Variants in CACNA1E observed in about 807,000 individuals in gnomAD.
The protein encoded by CACNA1E is calcium voltage-gated channel subunit alpha1 E.
A neutral mutation model predicts 259.2 loss-of-function variants in CACNA1E; 40 were observed. The observed-to-expected ratio is 0.15, with a 90% CI of 0.12 to 0.20. CACNA1E has a LOEUF of 0.20. Ranked by LOEUF, CACNA1E falls within the 10% of genes least tolerant of loss-of-function variation. CACNA1E has a pLI of 1.00. For missense variants in CACNA1E, 1,874 were observed against 3,040.1 expected (o/e 0.62, Z 9.02); for synonymous variants, 1,104 against 1,138.5 (o/e 0.97, Z 0.61).
intron 1 of CACNA1E, among the ~76,000 whole-genome samples, chr1:181,371,559 A>G (rs1410650093): frequency 6.6e-6 from 1 of 152,186 alleles, no homozygotes; most frequent in Non-Finnish European, 1.5e-5. Context: ...GGCATGAACC[A>G]CTGCATCTGG....
At chr1:181,538,073 G>T (rs1441594397) in intron 3 of CACNA1E, among the ~76,000 whole-genome samples, 1 of 152,172 alleles carries the variant, frequency 6.6e-6, no homozygotes, top group Admixed American at 6.5e-5. Context: ...CCCTGTTCTA[G>T]TGTTTTCTGT....
chr1:181,397,892 G>T (rs987539177), intron 1 of CACNA1E, among the ~76,000 whole-genome samples: 2 of 152,222 alleles, frequency 1.3e-5, no homozygotes, highest in Admixed American at 1.3e-4. Flanking sequence ...TGACCTGAGA[G>T]ATCCTGGACA....
intron 1 of CACNA1E, among the ~76,000 whole-genome samples, chr1:181,326,501 G>C (rs1357434679): frequency 6.6e-6 from 1 of 152,152 alleles, no homozygotes; most frequent in African/African-American, 2.4e-5. Flanking sequence ...AGTTTCTCCT[G>C]TGGTTAGCTC....
chr1:181,430,621 G>A (rs1321961674), intron 2 of CACNA1E, among the ~76,000 whole-genome samples: 1 of 152,244 alleles, frequency 6.6e-6, no homozygotes, highest in African/African-American at 2.4e-5. Context: ...AGGCTGCTAT[G>A]TTGGGCCTTA....
chr1:181,537,834 AG>A (rs1668291831), intron 3 of CACNA1E, among the ~76,000 whole-genome samples: 1 of 152,242 alleles, frequency 6.6e-6, no homozygotes, highest in Non-Finnish European at 1.5e-5. Flanking sequence ...GAAGAAACAG[AG>A]GTACAGTGAG....
chr1:181,501,082 G>C (rs115865013), intron 1 of CACNA1E, among the ~76,000 whole-genome samples: 1 of 152,146 alleles, frequency 6.6e-6, no homozygotes, highest in African/African-American at 2.4e-5. Flanking sequence ...CTGCTGTTTT[G>C]TTTTCTTCCA....
At chr1:181,479,614 T>C (rs189228582), upstream of CACNA1E, among the ~76,000 whole-genome samples, 1 of 152,316 alleles carries the variant, frequency 6.6e-6, no homozygotes, top group Admixed American at 6.5e-5. Context: ...CTCCTGGATA[T>C]TGAGGGCATG....
chr1:181,414,171 G>A (rs1288715677), intron 2 of CACNA1E, among the ~76,000 whole-genome samples: 1 of 152,168 alleles, frequency 6.6e-6, no homozygotes, highest in African/African-American at 2.4e-5. Flanking sequence ...TAAATTAAAG[G>A]AAGATGGGAT....
intron 2 of CACNA1E, among the ~76,000 whole-genome samples, chr1:181,449,246 G>A (rs1412594333): frequency 1.3e-5 from 2 of 152,200 alleles, no homozygotes; most frequent in African/African-American, 4.8e-5. Flanking sequence ...GTGTCTGAAT[G>A]AGAAAAATCT....
intron 1 of CACNA1E, among the ~76,000 whole-genome samples, chr1:181,336,349 C>T (rs1203367759): frequency 6.6e-6 from 1 of 152,062 alleles, no homozygotes; most frequent in East Asian, 1.9e-4. Context: ...TACTCTAAGC[C>T]CTATACGTGC....
intron 7 of CACNA1E, among the ~76,000 whole-genome samples, chr1:181,687,396 G>A (rs1245361561): frequency 6.6e-6 from 1 of 152,214 alleles, no homozygotes; most frequent in South Asian, 2.1e-4. Flanking sequence ...CAGCTTGGGG[G>A]GCTGTCACCA....
intron 7 of CACNA1E, among the ~76,000 whole-genome samples, chr1:181,699,437 C>G (rs535792125): frequency 1.1e-4 from 16 of 152,194 alleles, no homozygotes; most frequent in African/African-American, 3.9e-4. Flanking sequence ...GAAAGTTCTC[C>G]CATCCCACGC....
At chr1:181,439,703 C>T (rs1164732823) in intron 2 of CACNA1E, among the ~76,000 whole-genome samples, 3 of 152,160 alleles carry the variant, frequency 2.0e-5, no homozygotes, top group South Asian at 2.1e-4. Context: ...GCAAGCCTCT[C>T]CCACAGATAC....
At chr1:181,768,155 A>C (rs760701968) in intron 35 of CACNA1E, among the ~76,000 whole-genome samples, 1 of 152,194 alleles carries the variant, frequency 6.6e-6, no homozygotes. Flanking sequence ...ACCCCTTTTC[A>C]TCTTCAAATA....
chr1:181,385,776 C>T (rs1051813443), intron 1 of CACNA1E, among the ~76,000 whole-genome samples: 2 of 150,920 alleles, frequency 1.3e-5, no homozygotes, highest in South Asian at 2.1e-4. Context: ...TCTTACTTCC[C>T]TCCCTCCTTT....
At chr1:181,765,579 G>T (rs1658948178) in intron 34 of CACNA1E, among the ~76,000 whole-genome samples, 1 of 152,166 alleles carries the variant, frequency 6.6e-6, no homozygotes, top group Admixed American at 6.5e-5. Flanking sequence ...TCTTCATTTT[G>T]TTAGTGCTGT....
rs187798635 is a variant in CACNA1E, at chr1:181,529,030, T to C, written c.512+17520T>C. On this transcript the variant is annotated intron_variant, in intron 3 of 47. Coordinates refer to ENST00000367573, the MANE Select transcript of CACNA1E (RefSeq NM_001205293.3). ...TATCTCCAGGCCATGTCAGAGACCTTCATGGCAGCCCCTCCCATCACAGGC... is the reference window on the plus strand; with the variant it reads ...TATCTCCAGGCCATGTCAGAGACCTCCATGGCAGCCCCTCCCATCACAGGC... Among the ~76,000 whole-genome samples the C allele has an allele frequency of 1.8e-3, 274 of 152,310 alleles. 3 individuals carry two copies. Among genetic ancestry groups the C allele is most frequent in the South Asian group, 1.7e-3 (8 of 4,826 alleles).
At chr1:181,395,908 A>G (rs1273457181) in intron 1 of CACNA1E, among the ~76,000 whole-genome samples, 2 of 152,232 alleles carry the variant, frequency 1.3e-5, no homozygotes, top group African/African-American at 4.8e-5. Context: ...ATCACTCAAA[A>G]ACTTAGCAGC....
At chr1:181,365,771 G>A (rs1399572398) in intron 1 of CACNA1E, among the ~76,000 whole-genome samples, 2 of 152,234 alleles carry the variant, frequency 1.3e-5, no homozygotes, top group African/African-American at 4.8e-5. Context: ...CTGCTCTGGT[G>A]TCCTGACGTT....
Sources: allele counts gnomAD v4.1 joint callset (sites outside exome capture counted in the v4.1 genomes callset), GRCh38; gene constraint gnomAD v4.1.1; transcripts MANE v1.5; gene names NCBI Gene and HGNC (gene_info 2026-07-23, HGNC 2026-07-21).